SUPT6H: variants seen among roughly 807,000 people sequenced by gnomAD.
The protein encoded by SUPT6H is SPT6 homolog, histone chaperone and transcription elongation factor.
A neutral mutation model predicts 222.3 loss-of-function variants in SUPT6H; 11 were observed. The ratio of observed to expected loss-of-function variants is 0.05; its 90% confidence interval spans 0.03 to 0.08. The LOEUF (loss-of-function observed/expected upper bound fraction) is 0.08. Ranked by LOEUF, SUPT6H falls within the 10% of genes least tolerant of loss-of-function variation. The probability of loss-of-function intolerance (pLI) is 1.00; values close to 1 mark genes in which losing one functional copy is unlikely to be tolerated. For synonymous variants in SUPT6H, 762 were observed against 801.2 expected (o/e 0.95, Z 0.83); for missense variants, 1,422 against 2,216.0 (o/e 0.64, Z 7.19).
chr17:28,680,047 G>A (rs372476343), intron 11 of SUPT6H, among the ~76,000 whole-genome samples: 66 of 149,994 alleles, frequency 4.4e-4, no homozygotes, highest in African/African-American at 1.6e-3. Flanking sequence ...CCTCATGCCT[G>A]TAATCCCAAC....
chr17:28,665,961 G>T (rs2151597543), intron 1 of SUPT6H, among the ~76,000 whole-genome samples: 1 of 152,238 alleles, frequency 6.6e-6, no homozygotes, highest in East Asian at 1.9e-4. Context: ...ATTAAGTTCA[G>T]TTCTACATTT....
At chr17:28,677,466 A>G (rs2030823136) in intron 7 of SUPT6H, among the ~76,000 whole-genome samples, 1 of 151,120 alleles carries the variant, frequency 6.6e-6, no homozygotes, top group Admixed American at 6.6e-5. Context: ...AATCATTTGA[A>G]CTCCGGAGGC....
intron 4 of SUPT6H, 70 bp downstream of exon 4, chr17:28,674,683 G>C (rs1597692234): frequency 5.6e-6 from 8 of 1,431,948 alleles, no homozygotes; most frequent in Non-Finnish European, 7.9e-6. Flanking sequence ...AATGTCTGTG[G>C]GTGAGGAGGC....
At chr17:28,682,079 G>C (rs954880584) in intron 13 of SUPT6H, 99 bp downstream of exon 13, 2 of 932,576 alleles carry the variant, frequency 2.1e-6, no homozygotes, top group Admixed American at 4.9e-5. Flanking sequence ...GGCTATCTGG[G>C]TCAATCACCA....
At chr17:28,662,501 C>G (rs1567680562) in intron 1 of SUPT6H, among the ~76,000 whole-genome samples, 159 bp downstream of exon 1, 1 of 152,090 alleles carries the variant, frequency 6.6e-6, no homozygotes, top group Non-Finnish European at 1.5e-5. Flanking sequence ...GGGAGGAAAG[C>G]GCTGTAGTTG....
chr17:28,685,445 C>T (rs1332982331), intron 19 of SUPT6H, among the ~76,000 whole-genome samples: 1 of 149,684 alleles, frequency 6.7e-6, no homozygotes. Flanking sequence ...TCTTAAGAAA[C>T]AACTATTTTT....
At position 28,683,415 on chromosome 17, in the gene SUPT6H, G is replaced by A. The variant is rs1316237462; in HGVS notation, c.2026G>A (p.Val676Met). The A allele has an allele frequency of 6.2e-7, 1 of 1,614,084 alleles. No homozygotes were observed. The highest frequency in any genetic ancestry group is 1.7e-5 in the Admixed American group (1 of 60,002). The change falls in exon 16 of 37, where the codon GTG becomes ATG. Residue 676 changes from valine to methionine, a missense_variant. Coordinates refer to ENST00000314616, the MANE Select transcript of SUPT6H (RefSeq NM_003170.5). ...TGACATCAGCATAGATTTGAAGGGAGTGGAAGGGTAAGCAGAGCCCTGGGC... is the reference window on the plus strand; with the variant it reads ...TGACATCAGCATAGATTTGAAGGGAATGGAAGGGTAAGCAGAGCCCTGGGC... Reference protein sequence around the residue: ...TTDISIDLKGVEGYGNDQTYF... With the variant: ...TTDISIDLKGMEGYGNDQTYF...
Position 28,690,871 on chromosome 17 carries a change from G to A in SUPT6H, c.3491-50G>A, listed in dbSNP as rs770592984. On this transcript the variant is annotated intron_variant, in intron 26 of 36. Transcript: ENST00000314616. Reference sequence around the variant, plus strand: ...CACTGAAAGGCTGGTGGAAAGAAGTGCTCTCCACATTCTCTGAGCCTGCTC... The same window carrying A: ...CACTGAAAGGCTGGTGGAAAGAAGTACTCTCCACATTCTCTGAGCCTGCTC... The A allele has an allele frequency of 2.7e-5, 43 of 1,585,952 alleles. 1 individual carries two copies. In the South Asian group the frequency reaches 4.6e-4, roughly 17 times the overall value.
In SUPT6H at chr17:28,683,435, C is replaced by T. The variant is rs757004821; in HGVS notation, c.2033+13C>T. 2 of 1,613,602 alleles carry T rather than the reference C, an allele frequency of 1.2e-6. No homozygotes were observed. Among genetic ancestry groups the T allele is most frequent in the Non-Finnish European group, 8.5e-7 (1 of 1,179,702 alleles). On this transcript the variant is annotated intron_variant, in intron 16 of 36. Coordinates refer to ENST00000314616, the MANE Select transcript of SUPT6H (RefSeq NM_003170.5). ...AGGGAGTGGAAGGGTAAGCAGAGCC[C>T]TGGGCTGGCGACTCTCTGGGGAAGG... is the stretch of plus-strand genomic sequence containing the variant.
intron 26 of SUPT6H, 117 bp downstream of exon 26, chr17:28,690,346 A>G: frequency 7.7e-7 from 1 of 1,297,340 alleles, no homozygotes; most frequent in Non-Finnish European, 1.1e-6. Context: ...GGGGAAGGCC[A>G]GGAGAGCATT....
At chr17:28,677,557 A>T (rs539637089) in intron 7 of SUPT6H, among the ~76,000 whole-genome samples, 158 bp from the exon 8 acceptor site, 12 of 152,246 alleles carry the variant, frequency 7.9e-5, no homozygotes, top group African/African-American at 2.2e-4. Flanking sequence ...AAAAAAAAAA[A>T]TGCTTATTTC....
chr17:28,689,357 T>G lies in SUPT6H; in HGVS notation c.3138T>G (p.Thr1046=). Residue 1046 remains threonine, a synonymous_variant, in exon 25 of 37, where the codon ACT becomes ACG. Transcript: ENST00000314616. ...KIDTASLGDS[T]DSYIEVLDGS... is the part of the protein sequence containing the mutation. Reference sequence around the variant, plus strand: ...TCCTTTTCTGCCTTTCCTCCAGCACTGACTCATATATTGAAGTCCTTGATG... The same window carrying G: ...TCCTTTTCTGCCTTTCCTCCAGCACGGACTCATATATTGAAGTCCTTGATG... 6.2e-7 allele frequency: 1 copy of G among 1,614,202 alleles called. No individual in the cohort carries two copies. Among genetic ancestry groups the G allele is most frequent in the Non-Finnish European group, 8.5e-7 (1 of 1,180,020 alleles).
rs781033910 is a variant in SUPT6H at position 28,690,982 on chromosome 17, T to C, written c.3552T>C (p.Tyr1184=). 8 of 1,614,166 alleles carry C rather than the reference T, an allele frequency of 5.0e-6. No homozygotes were observed. The highest frequency in any genetic ancestry group is 2.2e-5 in the East Asian group (1 of 44,882). ...ACAGGCGTCCCCAGGGTGAGAGCTA[T>C]GACCAGGCGATCCGCAATGATGAGA... ...IAHRRPQGES[Y]DQAIRNDETG... Residue 1184 remains tyrosine (Y), a synonymous_variant, in exon 27 of 37, where the codon TAT becomes TAC. Transcript: ENST00000314616.
chr17:28,683,947 T>TG (rs935648553), intron 17 of SUPT6H, 131 bp downstream of exon 17: 17 of 753,586 alleles, frequency 2.3e-5, no homozygotes, highest in Middle Eastern at 4.1e-4. Flanking sequence ...GCCATTCTCC[T>TG]GCCTCAGCCT....
chr17:28,701,243 T>G, intron 36 of SUPT6H, 115 bp downstream of exon 36: 2 of 1,444,276 alleles, frequency 1.4e-6, no homozygotes, highest in Non-Finnish European at 1.9e-6. Flanking sequence ...CCTGACCACA[T>G]GATATGCCAG....
At chr17:28,687,631 A>C (rs2031453378) in intron 23 of SUPT6H, among the ~76,000 whole-genome samples, 160 bp downstream of exon 23, 2 of 152,244 alleles carry the variant, frequency 1.3e-5, no homozygotes, top group African/African-American at 4.8e-5. Flanking sequence ...CTTCAGACCC[A>C]GTTGGCCAAA....
At chr17:28,697,804 G>C in intron 31 of SUPT6H, 71 bp downstream of exon 31, 1 of 1,607,174 alleles carries the variant, frequency 6.2e-7, no homozygotes, top group Non-Finnish European at 8.5e-7. Context: ...CTTCAGTATA[G>C]GGGACACTCA....
rs531347802 is a variant in SUPT6H at position 28,676,143 on chromosome 17, G to A, written c.624-14G>A. 2 of 1,559,316 alleles carry A rather than the reference G, an allele frequency of 1.3e-6. No homozygotes were observed. Among genetic ancestry groups the A allele is most frequent in the South Asian group, 1.2e-5 (1 of 81,718 alleles). The stretch of plus-strand genomic sequence containing the variant: ...CCTGAACCTGAGCCACCTGCCTCTT[G>A]CTGCCACCTACAGGGCCCTGCAAGA... On this transcript the variant is annotated splice_polypyrimidine_tract_variant and intron_variant, in intron 6 of 36. Transcript: ENST00000314616.
At chr17:28,697,377 TGAAGA>T (rs1192766366) in intron 30 of SUPT6H, among the ~76,000 whole-genome samples, 3 of 152,164 alleles carry the variant, frequency 2.0e-5, no homozygotes, top group Admixed American at 2.0e-4. Flanking sequence ...CTGTTTTCAG[TGAAGA>T]GAAATCTGGT....
Sources: allele counts gnomAD v4.1 joint callset (sites outside exome capture counted in the v4.1 genomes callset), GRCh38; gene constraint gnomAD v4.1.1; transcripts MANE v1.5; gene names NCBI Gene and HGNC (gene_info 2026-07-23, HGNC 2026-07-21).